CACNA1E: variants seen among roughly 807,000 people sequenced by gnomAD.
CACNA1E encodes voltage-dependent R-type calcium channel subunit alpha-1E.
CACNA1E carries 40 observed loss-of-function variants against 259.2 expected under a neutral mutation model. The observed-to-expected ratio is 0.15, with a 90% CI of 0.12 to 0.20. The LOEUF is 0.20. CACNA1E is among the 10% of genes least tolerant of loss of function. The pLI, the probability that CACNA1E is intolerant of heterozygous loss-of-function variation, is 1.00. For synonymous variants in CACNA1E, 1,104 were observed against 1,138.5 expected, an observed-to-expected ratio of 0.97 and a Z score of 0.61; for missense variants, 1,874 against 3,040.1, an observed-to-expected ratio of 0.62 and a Z score of 9.02.
intron 8 of CACNA1E, among the ~76,000 whole-genome samples, chr1:181,712,077 C>T (rs1653427938): frequency 1.3e-5 from 2 of 152,150 alleles, no homozygotes; most frequent in African/African-American, 4.8e-5. Flanking sequence ...TACCCTGTGA[C>T]TCAACATTAG....
At chr1:181,653,489 C>A (rs1658935665) in intron 7 of CACNA1E, among the ~76,000 whole-genome samples, 1 of 152,284 alleles carries the variant, frequency 6.6e-6, no homozygotes, top group Middle Eastern at 3.4e-3. Context: ...GTCCATGAAA[C>A]GTCTTTCTTT....
intron 1 of CACNA1E, among the ~76,000 whole-genome samples, chr1:181,391,925 GTCTCTCTCTCTCTC>G (rs58946698): frequency 8.1e-5 from 12 of 147,722 alleles, no homozygotes; most frequent in Admixed American, 2.7e-4. Context: ...CTCTCTCTCT[GTCTCTCTCTCTCTC>G]TCTCTCTGTG....
At chr1:181,417,930 T>C (rs1658404704) in intron 2 of CACNA1E, among the ~76,000 whole-genome samples, 1 of 152,170 alleles carries the variant, frequency 6.6e-6, no homozygotes, top group Admixed American at 6.5e-5. Flanking sequence ...GTTGCCCATG[T>C]AGAGAAAAAT....
intron 2 of CACNA1E, among the ~76,000 whole-genome samples, chr1:181,472,986 C>T (rs369917346): frequency 2.0e-5 from 3 of 152,090 alleles, no homozygotes; most frequent in African/African-American, 7.2e-5. Context: ...GATTTAAATT[C>T]GCTGAGTCCT....
intron 2 of CACNA1E, among the ~76,000 whole-genome samples, chr1:181,467,484 A>T (rs563370554): frequency 1.3e-5 from 2 of 152,242 alleles, no homozygotes; most frequent in Non-Finnish European, 2.9e-5. Context: ...ATTTATTTGA[A>T]ATCTAGTTGA....
At chr1:181,712,838 G>T (rs900891123) in intron 8 of CACNA1E, among the ~76,000 whole-genome samples, 18 of 152,116 alleles carry the variant, frequency 1.2e-4, no homozygotes, top group African/African-American at 4.3e-4. Flanking sequence ...AGCAGACCCA[G>T]GAAGGAGCCC....
At chr1:181,384,904 TAAAAG>T (rs1420889064) in intron 1 of CACNA1E, among the ~76,000 whole-genome samples, 7 of 149,904 alleles carry the variant, frequency 4.7e-5, no homozygotes, top group Admixed American at 1.3e-4. Context: ...TAAAATAAAA[TAAAAG>T]AAATCTTTCC....
At chr1:181,536,152 A>G (rs956266654) in intron 3 of CACNA1E, among the ~76,000 whole-genome samples, 7 of 151,882 alleles carry the variant, frequency 4.6e-5, no homozygotes, top group African/African-American at 1.5e-4. Context: ...TTTTTATTCA[A>G]TGCTGGGAAG....
chr1:181,440,810 C>G (rs1423099264), intron 2 of CACNA1E, among the ~76,000 whole-genome samples: 3 of 151,610 alleles, frequency 2.0e-5, no homozygotes, highest in Non-Finnish European at 4.4e-5. Context: ...TGTGAGAGCC[C>G]TGTCTCCACA....
chr1:181,550,563 G>A (rs891008346), intron 3 of CACNA1E, among the ~76,000 whole-genome samples: 5 of 152,126 alleles, frequency 3.3e-5, no homozygotes, highest in African/African-American at 1.2e-4. Flanking sequence ...AGGAGGGGTG[G>A]GGGCAGATTG....
At chr1:181,786,062 G>T (rs1023762412) in intron 43 of CACNA1E, among the ~76,000 whole-genome samples, 4 of 152,204 alleles carry the variant, frequency 2.6e-5, no homozygotes, top group Non-Finnish European at 4.4e-5. Flanking sequence ...TAGAAGAAGG[G>T]AGTTTGACTT....
chr1:181,765,794 G>C (rs2102735992), intron 34 of CACNA1E, among the ~76,000 whole-genome samples: 1 of 152,282 alleles, frequency 6.6e-6, no homozygotes, highest in Non-Finnish European at 1.5e-5. Context: ...AATCCAAACT[G>C]TCCTATGTCT....
intron 2 of CACNA1E, among the ~76,000 whole-genome samples, chr1:181,466,681 T>G (rs1662181625): frequency 6.6e-6 from 1 of 152,250 alleles, no homozygotes; most frequent in African/African-American, 2.4e-5. Flanking sequence ...ATTCACACGC[T>G]TCCTCCTTTG....
chr1:181,530,116 G>T (rs1262458356), intron 3 of CACNA1E, among the ~76,000 whole-genome samples: 1 of 152,204 alleles, frequency 6.6e-6, no homozygotes, highest in East Asian at 1.9e-4. Flanking sequence ...GCTAGTCTTT[G>T]CTGTGGTATT....
At chr1:181,446,949 C>T (rs1208083412) in intron 2 of CACNA1E, among the ~76,000 whole-genome samples, 1 of 152,062 alleles carries the variant, frequency 6.6e-6, no homozygotes, top group Non-Finnish European at 1.5e-5. Context: ...TTGGACTCTT[C>T]TTAATTCCCG....
chr1:181,712,013 G>A (rs990437895), intron 8 of CACNA1E, among the ~76,000 whole-genome samples: 1 of 152,188 alleles, frequency 6.6e-6, no homozygotes, highest in African/African-American at 2.4e-5. Flanking sequence ...CATCTAGGGA[G>A]GAGATAATGG....
chr1:181,777,828 G>A (rs1196559693), intron 38 of CACNA1E, among the ~76,000 whole-genome samples: 1 of 152,210 alleles, frequency 6.6e-6, no homozygotes, highest in African/African-American at 2.4e-5. Context: ...ATATCTATGG[G>A]ATTGGGAGCC....
chr1:181,499,638 C>G (rs1309855180), intron 1 of CACNA1E, among the ~76,000 whole-genome samples: 1 of 152,218 alleles, frequency 6.6e-6, no homozygotes, highest in Admixed American at 6.5e-5. Context: ...TTCTTGGTCT[C>G]CAGCATTCGA....
chr1:181,385,995 T>C (rs532588447), intron 1 of CACNA1E, among the ~76,000 whole-genome samples: 1 of 152,356 alleles, frequency 6.6e-6, no homozygotes, highest in South Asian at 2.1e-4. Context: ...ATAAGATTTT[T>C]GTTCTCATGT....
Sources: allele counts gnomAD v4.1 joint callset (sites outside exome capture counted in the v4.1 genomes callset), GRCh38; gene constraint gnomAD v4.1.1; transcripts MANE v1.5; gene names NCBI Gene and HGNC (gene_info 2026-07-23, HGNC 2026-07-21).